Variants in KCNC4 observed in about 807,000 individuals in gnomAD.
The protein encoded by KCNC4 is potassium voltage-gated channel subfamily C member 4, also known as voltage-gated potassium channel KCNC4.
KCNC4 carries 23 observed loss-of-function variants against 42.8 expected under a neutral mutation model. That is an observed-to-expected ratio of 0.54 (90% CI 0.39 to 0.76). The LOEUF (loss-of-function observed/expected upper bound fraction) is 0.76, where lower values mean the gene tolerates loss of function less well. Ranked by LOEUF, KCNC4 falls within the 30% of genes least tolerant of loss-of-function variation. The pLI is 0.00. For synonymous variants in KCNC4, 422 were observed against 393.5 expected (o/e 1.07, Z -0.86); for missense variants, 751 against 898.2 (o/e 0.84, Z 2.10).
rs1319376294 is a variant in KCNC4, at chr1:110,211,479, C to T, written c.-21C>T. On this transcript the variant is annotated 5_prime_UTR_variant, in exon 1 of 4. Transcript: ENST00000438661. This position sits in a 1 kb window ranked among gnomAD's most constrained non-coding sequence, Gnocchi z 6.5. ...TTGGAGGGCAGCGGCCGCCCCAAGC[C>T]GGAGCCCCGCAGCGCTTCTTATGAT... 6.3e-7 allele frequency: 1 copy of T among 1,598,270 alleles called. No homozygotes were observed. The highest frequency in any genetic ancestry group is 1.3e-5 in the African/African-American group (1 of 74,650).
chr1:110,211,398 C>T lies in KCNC4; in HGVS notation c.-102C>T, dbSNP rs1171034711. 2 of 1,467,262 alleles carry T rather than the reference C, an allele frequency of 1.4e-6. No homozygotes were observed. The highest frequency in any genetic ancestry group is 2.8e-5 in the African/African-American group (2 of 70,834). The allele number at this position is 1,467,262 out of a possible 1,614,324, so 90.9% of individuals were successfully genotyped here. On this transcript the variant is annotated 5_prime_UTR_variant, in exon 1 of 4. Transcript: ENST00000438661. This position sits in a 1 kb window ranked among gnomAD's most constrained non-coding sequence, Gnocchi z 6.5. ...AGAGGGGGCCGCCACCGCCTCCTGC[C>T]TCCTCTTCGTCTCCTCCCCCTCCCC...
chr1:110,232,428 G>A (rs1658742235), intron 3 of KCNC4: 5 of 1,496,854 alleles, frequency 3.3e-6, no homozygotes, highest in Non-Finnish European at 4.5e-6. Flanking sequence ...GAGAGCTCAA[G>A]TTGGTCAGGC....
chr1:110,232,289 ACT>A (rs1406588327), intron 3 of KCNC4: 2 of 1,613,044 alleles, frequency 1.2e-6, no homozygotes, highest in African/African-American at 2.7e-5. Flanking sequence ...AACTGCTGGG[ACT>A]CTGTTCCTGC....
At chr1:110,228,093 A>G (rs761691785) in intron 3 of KCNC4, among the ~76,000 whole-genome samples, 19 of 152,032 alleles carry the variant, frequency 1.2e-4, no homozygotes, top group Non-Finnish European at 2.1e-4. Flanking sequence ...CCCAATGCAC[A>G]CTCGGCAACT....
intron 1 of KCNC4, among the ~76,000 whole-genome samples, chr1:110,280,193 G>A (rs998496617): frequency 6.6e-6 from 1 of 152,068 alleles, no homozygotes; most frequent in Admixed American, 6.6e-5. Context: ...CGCAGAAATC[G>A]AGGCACAGAG....
chr1:110,226,406 A>C, intron 3 of KCNC4: 1 of 579,668 alleles, frequency 1.7e-6, no homozygotes, highest in African/African-American at 1.9e-5. Context: ...TGCCCATGGG[A>C]AAGAGCAGCG....
chr1:110,280,672 T>C (rs978554029), intron 1 of KCNC4, among the ~76,000 whole-genome samples: 1 of 152,162 alleles, frequency 6.6e-6, no homozygotes, highest in East Asian at 1.9e-4. Flanking sequence ...CCAGGTAACT[T>C]TGCAATTCAA....
chr1:110,212,087 G>A lies in KCNC4; in HGVS notation c.588G>A (p.Ala196=). 3 of 1,527,556 alleles carry A rather than the reference G, an allele frequency of 2.0e-6. No homozygotes were observed. The highest frequency in any genetic ancestry group is 2.5e-5 in the South Asian group (2 of 80,940). 94.6% of individuals were successfully genotyped at this position (1,527,556 alleles called of 1,614,324 possible). A position where few individuals can be genotyped will look rare whatever the true frequency, so the allele number is the denominator to read the frequency against. ...GACTGGGCCCCCACGAGGGAGGCGC[G>A]GGCCATGGCGCCGGGTCTGGGGGCT... ...LQRLGPHEGG[A]GHGAGSGGCR... is the part of the protein sequence containing the mutation. The change falls in exon 1 of 4, where the codon GCG becomes GCA. Residue 196 remains alanine, a synonymous_variant. Transcript: ENST00000438661.
intron 1 of KCNC4, among the ~76,000 whole-genome samples, chr1:110,269,153 C>T (rs1170144657): frequency 1.3e-5 from 2 of 152,178 alleles, no homozygotes; most frequent in African/African-American, 4.8e-5. Flanking sequence ...CTGGGCCTTC[C>T]TGTAGCCTGG....
intron 1 of KCNC4, among the ~76,000 whole-genome samples, chr1:110,260,989 T>C (rs1659415156): frequency 6.6e-6 from 1 of 152,232 alleles, no homozygotes; most frequent in African/African-American, 2.4e-5. Context: ...CCATTTATTA[T>C]TGTTAATGAA....
rs115154927 is a variant in KCNC4 at position 110,273,252 on chromosome 1, C to T, written n.31-9282C>T. Among the ~76,000 whole-genome samples, 263 of 152,266 alleles carry T rather than the reference C, an allele frequency of 1.7e-3. 2 individuals carry two copies. The highest frequency in any genetic ancestry group is 5.4e-3 in the African/African-American group (225 of 41,560). On this transcript the variant is annotated intron_variant and non_coding_transcript_variant, in intron 1 of 2. Transcript: ENST00000412512. ...CTGGTTCCTTTACTCATTTATTGTACATAGATATGGGCCTGACCCTAGGCT... is the reference window on the plus strand; with the variant it reads ...CTGGTTCCTTTACTCATTTATTGTATATAGATATGGGCCTGACCCTAGGCT...
intron 1 of KCNC4, among the ~76,000 whole-genome samples, chr1:110,281,587 CACAT>C (rs1659825793): frequency 1.3e-5 from 2 of 151,900 alleles, no homozygotes; most frequent in Admixed American, 6.6e-5. Context: ...CACACACACA[CACAT>C]ACTGCACTTA....
chr1:110,223,974 C>G lies in KCNC4; in HGVS notation c.1615+74C>G, dbSNP rs962848902. ...GGGAGTTTCCAAATGGACCTCAGAC[C>G]TTGGGATTTGGCATGTGTTTTGTGT... On this transcript the variant is annotated intron_variant, in intron 2 of 3. Coordinates refer to ENST00000438661, the MANE Select transcript of KCNC4 (RefSeq NM_001039574.3). This position sits in a 1 kb window ranked among gnomAD's most constrained non-coding sequence, Gnocchi z 7.5. 3.3e-6 allele frequency: 4 copies of G among 1,201,380 alleles called. No individual in the cohort carries two copies. The highest frequency in any genetic ancestry group is 3.1e-5 in the African/African-American group (2 of 65,258). The allele number at this position is 1,201,380 out of a possible 1,614,324, so 74.4% of individuals were successfully genotyped here. A position where few individuals can be genotyped will look rare whatever the true frequency, so the allele number is the denominator to read the frequency against.
chr1:110,274,247 CCAAAA>C, intron 1 of KCNC4, among the ~76,000 whole-genome samples: 1 of 152,020 alleles, frequency 6.6e-6, no homozygotes, highest in Non-Finnish European at 1.5e-5. Context: ...ACAATAGCCA[CCAAAA>C]CAAAATTACC....
At chr1:110,231,571 G>A (rs1256762687) in intron 3 of KCNC4, among the ~76,000 whole-genome samples, 1 of 152,122 alleles carries the variant, frequency 6.6e-6, no homozygotes, top group South Asian at 2.1e-4. Flanking sequence ...CATTCTCACC[G>A]GTGCATCTTA....
chr1:110,229,745 C>T (rs1658600368), intron 3 of KCNC4, among the ~76,000 whole-genome samples: 2 of 152,170 alleles, frequency 1.3e-5, no homozygotes, highest in Non-Finnish European at 2.9e-5. Flanking sequence ...AGTGTGGGGA[C>T]AGAAGCCATC....
downstream of KCNC4, among the ~76,000 whole-genome samples, chr1:110,251,828 C>T (rs1241295614): frequency 6.6e-6 from 1 of 152,218 alleles, no homozygotes. Flanking sequence ...AGGTTAAGGC[C>T]CTTGTTGGCC....
Position 110,223,117 on chromosome 1 carries a change from G to A in KCNC4, c.832G>A (p.Glu278Lys), listed in dbSNP as rs1328696596. Residue 278 changes from glutamate (E) to lysine (K), a missense_variant, in exon 2 of 4, where the codon GAG becomes AAG. Around this residue, in one of 4 missense-constraint regions of KCNC4, gnomAD observed 181 missense variants for 167.3 expected, o/e 1.08. Coordinates refer to ENST00000438661, the MANE Select transcript of KCNC4 (RefSeq NM_001039574.3). The surrounding 1 kb of genome is among the most constrained non-coding windows in gnomAD (Gnocchi z 7.5). ...GCACTTCCGGCGGGAGGTAGAGACA[G>A]AGCCCATCCTGACCTACATCGAGGG... Reference protein sequence around the residue: ...SVHFRREVETEPILTYIEGVC... With the variant: ...SVHFRREVETKPILTYIEGVC... 1.2e-6 allele frequency: 2 copies of A among 1,614,204 alleles called. No homozygotes were observed. Among genetic ancestry groups the A allele is most frequent in the Non-Finnish European group, 1.7e-6 (2 of 1,180,026 alleles).
chr1:110,247,775 A>T (rs1362484407), exon 4 of KCNC4: 2 of 151,168 alleles, frequency 1.3e-5, no homozygotes, highest in Non-Finnish European at 1.5e-5. Flanking sequence ...GCTGGTCTCA[A>T]ACTCTGACCT....
Sources: allele counts gnomAD v4.1 joint callset (sites outside exome capture counted in the v4.1 genomes callset), GRCh38; gene constraint gnomAD v4.1.1; regional missense constraint gnomAD v4.1.1; non-coding constraint Gnocchi (gnomAD v3.1); transcripts MANE v1.5; gene names NCBI Gene and HGNC (gene_info 2026-07-23, HGNC 2026-07-21).